The following OPCML variants were observed in gnomAD, a reference collection of about 807,000 sequenced individuals.
The protein encoded by OPCML is opioid binding protein/cell adhesion molecule like, also known as opioid-binding protein/cell adhesion molecule.
OPCML carries 13 observed loss-of-function variants against 37.8 expected under a neutral mutation model. That is an observed-to-expected ratio of 0.34 (90% CI 0.22 to 0.55). OPCML has a LOEUF of 0.55. Among genes scored for constraint, OPCML ranks in the 20% least tolerant of loss-of-function variants. The pLI, the probability that OPCML is intolerant of heterozygous loss-of-function variation, is 0.91. For missense variants in OPCML, 341 were observed against 435.6 expected, an observed-to-expected ratio of 0.78 and a Z score of 1.93; for synonymous variants, 176 against 168.8, an observed-to-expected ratio of 1.04 and a Z score of -0.33.
In OPCML at chr11:132,798,173, C is replaced by A. The variant is rs188497668; in HGVS notation, c.147-140854G>T. 3.9e-5 allele frequency among the ~76,000 whole-genome samples: 6 copies of A among 152,224 alleles called. No homozygotes were observed. In the South Asian group the frequency reaches 1.3e-3, roughly 32 times the overall value. The stretch of plus-strand genomic sequence containing the variant: ...GCAACCTCCGCCTCAGGGAGTCAAG[C>A]GATTCTCCTGCCTCAGCCTCTCAAG... On this transcript the variant is annotated intron_variant, in intron 2 of 7. Coordinates refer to ENST00000524381, the MANE Select transcript of OPCML (RefSeq NM_001012393.5).
chr11:133,240,717 G>A (rs1051250066), intron 1 of OPCML, among the ~76,000 whole-genome samples: 2 of 152,014 alleles, frequency 1.3e-5, no homozygotes, highest in Non-Finnish European at 2.9e-5. Context: ...ATTTTCAATC[G>A]CCTCCATCAT....
At chr11:133,112,031 C>T (rs185211286) in intron 1 of OPCML, among the ~76,000 whole-genome samples, 2 of 152,016 alleles carry the variant, frequency 1.3e-5, no homozygotes, top group Admixed American at 6.5e-5. Flanking sequence ...CCTGTACATC[C>T]ACCTTCACGC....
chr11:133,103,084 C>A (rs1427214856), intron 1 of OPCML, among the ~76,000 whole-genome samples: 2 of 152,172 alleles, frequency 1.3e-5, no homozygotes, highest in African/African-American at 4.8e-5. Flanking sequence ...AATTTTACAT[C>A]AAAAATTAAT....
At chr11:132,592,137 A>C (rs2096485493) in intron 3 of OPCML, among the ~76,000 whole-genome samples, 1 of 152,264 alleles carries the variant, frequency 6.6e-6, no homozygotes, top group Non-Finnish European at 1.5e-5. Flanking sequence ...TCATCAAGTC[A>C]AAGTGAGACG....
At chr11:132,688,528 T>TG (rs1943260003) in intron 2 of OPCML, among the ~76,000 whole-genome samples, 2 of 152,282 alleles carry the variant, frequency 1.3e-5, no homozygotes, top group Non-Finnish European at 2.9e-5. Flanking sequence ...TTAGAAATTG[T>TG]CTTTTTTAAC....
chr11:132,428,795 A>G (rs1380565043), intron 7 of OPCML, among the ~76,000 whole-genome samples: 1 of 152,224 alleles, frequency 6.6e-6, no homozygotes, highest in East Asian at 1.9e-4. Flanking sequence ...ATGAAAAATG[A>G]TAACAATATC....
In OPCML at chr11:133,509,291, G is replaced by A. The variant is rs114416675; in HGVS notation, c.61+22973C>T. On this transcript the variant is annotated intron_variant, in intron 1 of 7. Transcript: ENST00000524381. ...TGTGTCCATATGTTCTCATTATTCA[G>A]CTTCCACTTGTAAGTGAGAACATGT... 1.0e-2 allele frequency among the ~76,000 whole-genome samples: 1,521 copies of A among 152,176 alleles called. 27 individuals are homozygous for A. The highest frequency in any genetic ancestry group is 0.035 in the African/African-American group (1,436 of 41,528).
At chr11:132,713,827 G>A (rs771892096) in intron 2 of OPCML, among the ~76,000 whole-genome samples, 1 of 152,188 alleles carries the variant, frequency 6.6e-6, no homozygotes, top group Non-Finnish European at 1.5e-5. Context: ...TTGAGAGTCT[G>A]AAACATTCAT....
chr11:132,543,171 G>C (rs2096361102), intron 3 of OPCML, among the ~76,000 whole-genome samples: 1 of 152,156 alleles, frequency 6.6e-6, no homozygotes, highest in Non-Finnish European at 1.5e-5. Context: ...GAAGGTTCTA[G>C]CTGTGAATAA....
chr11:133,159,169 C>T (rs1383438017), intron 1 of OPCML, among the ~76,000 whole-genome samples: 1 of 152,202 alleles, frequency 6.6e-6, no homozygotes, highest in Non-Finnish European at 1.5e-5. Flanking sequence ...TAGAAATCTT[C>T]ACGACCTAGG....
At chr11:133,247,500 A>T (rs1454634003) in intron 1 of OPCML, among the ~76,000 whole-genome samples, 1 of 146,512 alleles carries the variant, frequency 6.8e-6, no homozygotes, top group Non-Finnish European at 1.5e-5. Flanking sequence ...TGTCTTAAAG[A>T]ATAACTGAAG....
chr11:132,835,879 C>T (rs1468779665), intron 2 of OPCML, among the ~76,000 whole-genome samples: 1 of 152,200 alleles, frequency 6.6e-6, no homozygotes, highest in African/African-American at 2.4e-5. Context: ...GTATCACTTT[C>T]TCTTCATTTC....
intron 1 of OPCML, among the ~76,000 whole-genome samples, chr11:133,335,558 C>T (rs1303563550): frequency 6.6e-6 from 1 of 152,086 alleles, no homozygotes; most frequent in East Asian, 1.9e-4. Context: ...GGAAAGCATC[C>T]TCAGCCTCCC....
intron 1 of OPCML, among the ~76,000 whole-genome samples, chr11:133,184,866 G>A (rs1019961289): frequency 5.3e-5 from 8 of 152,152 alleles, no homozygotes; most frequent in East Asian, 1.9e-4. Flanking sequence ...ATAGAGAACC[G>A]TTTCCCGCAG....
At chr11:133,292,226 A>G (rs1451150327) in intron 1 of OPCML, among the ~76,000 whole-genome samples, 1 of 152,132 alleles carries the variant, frequency 6.6e-6, no homozygotes, top group African/African-American at 2.4e-5. Context: ...AGGGAGGGGA[A>G]AAAAGAGAGA....
intron 1 of OPCML, among the ~76,000 whole-genome samples, chr11:133,202,108 G>A (rs369982239): frequency 6.6e-6 from 1 of 152,126 alleles, no homozygotes; most frequent in African/African-American, 2.4e-5. Flanking sequence ...TAAAGAAATA[G>A]ACAAAGATCC....
chr11:132,536,668 A>G (rs1006406576), intron 3 of OPCML, among the ~76,000 whole-genome samples: 1 of 152,204 alleles, frequency 6.6e-6, no homozygotes, highest in South Asian at 2.1e-4. Flanking sequence ...TTAAGGATCC[A>G]ATGTTTTATC....
At chr11:133,401,173 T>C (rs1945397745) in intron 1 of OPCML, among the ~76,000 whole-genome samples, 1 of 152,146 alleles carries the variant, frequency 6.6e-6, no homozygotes, top group African/African-American at 2.4e-5. Context: ...CTGCTCTTTG[T>C]AGGTAAGACA....
chr11:133,136,007 G>C (rs1748004323), intron 1 of OPCML, among the ~76,000 whole-genome samples: 1 of 152,166 alleles, frequency 6.6e-6, no homozygotes, highest in Admixed American at 6.5e-5. Context: ...ACCCTTCACA[G>C]ACTCATTCTG....
Sources: gnomAD v4.1 joint callset for allele counts (sites outside exome capture counted in the v4.1 genomes callset) on GRCh38, gnomAD v4.1.1 for gene constraint, MANE v1.5 for transcripts, NCBI Gene and HGNC (gene_info 2026-07-23, HGNC 2026-07-21) for gene names.